LAMA2: variants seen among roughly 807,000 people sequenced by gnomAD.
The protein encoded by LAMA2 is laminin subunit alpha 2.
LAMA2 carries 269 observed loss-of-function variants against 364.8 expected under a neutral mutation model. The observed-to-expected ratio is 0.74, with a 90% confidence interval of 0.67 to 0.82. The LOEUF is 0.82. Among genes scored for constraint, LAMA2 ranks in the 40% least tolerant of loss-of-function variants. The pLI is 0.00. For missense variants in LAMA2, 3,807 were observed against 3,873.2 expected (o/e 0.98, Z 0.45); for synonymous variants, 1,379 against 1,370.6 (o/e 1.01, Z -0.14).
At chr6:129,386,174 A>G (rs1779004645) in intron 35 of LAMA2, among the ~76,000 whole-genome samples, 2 of 152,108 alleles carry the variant, frequency 1.3e-5, no homozygotes, top group South Asian at 2.1e-4. Context: ...TAAGTTGGAA[A>G]TAAATAAGTA....
chr6:129,360,742 G>A (rs1223844459), intron 32 of LAMA2, among the ~76,000 whole-genome samples: 4 of 152,204 alleles, frequency 2.6e-5, no homozygotes, highest in Non-Finnish European at 4.4e-5. Flanking sequence ...CATTTCAACA[G>A]CTGAAGATGA....
chr6:129,053,688 C>T (rs904493617), intron 2 of LAMA2, among the ~76,000 whole-genome samples: 2 of 152,258 alleles, frequency 1.3e-5, no homozygotes, highest in African/African-American at 2.4e-5. Context: ...ATAGGTTTCC[C>T]TTGCTTTTGA....
intron 1 of LAMA2, among the ~76,000 whole-genome samples, chr6:129,040,087 TAGAA>T (rs201322079): frequency 0.015 from 2,339 of 152,330 alleles, 74 homozygotes; most frequent in African/African-American, 0.053. Flanking sequence ...GCAGAAATCT[TAGAA>T]TGGGGAAAAG....
At chr6:129,272,388 A>G (rs73585545) in intron 17 of LAMA2, among the ~76,000 whole-genome samples, 2,370 of 152,234 alleles carry the variant, frequency 0.016, 61 homozygotes, top group African/African-American at 0.054. Context: ...GGAAAGACAT[A>G]ATTAAAATGT....
In LAMA2 at chr6:129,326,129, C is replaced by G. The variant is rs144469189; in HGVS notation, c.4177-2149C>G. Among the ~76,000 whole-genome samples the G allele has an allele frequency of 3.7e-3, 569 of 152,306 alleles. 2 individuals carry two copies. The highest frequency in any genetic ancestry group is 6.5e-3 in the Admixed American group (99 of 15,306). On this transcript the variant is annotated intron_variant, in intron 28 of 64. Coordinates refer to ENST00000421865, the MANE Select transcript of LAMA2 (RefSeq NM_000426.4). ...TGCTGGGATTACAGGCGTGAGCCAC[C>G]ATGTCTCGCCTTTTCCATGTGCCCT...
chr6:129,511,968 A>G (rs1047454793), intron 62 of LAMA2, among the ~76,000 whole-genome samples: 3 of 152,134 alleles, frequency 2.0e-5, no homozygotes, highest in South Asian at 2.1e-4. Context: ...CAACAGAGAG[A>G]CTTCTAAGAT....
chr6:129,218,273 G>A (rs1352328143), intron 12 of LAMA2, among the ~76,000 whole-genome samples: 3 of 152,034 alleles, frequency 2.0e-5, no homozygotes, highest in Admixed American at 6.6e-5. Context: ...ATTTCTTGAA[G>A]GAAGGAACGC....
chr6:128,884,890 G>C (rs1469342839), intron 1 of LAMA2, among the ~76,000 whole-genome samples: 1 of 152,160 alleles, frequency 6.6e-6, no homozygotes, highest in African/African-American at 2.4e-5. Context: ...GAAACTCAAA[G>C]CATGCAGAGT....
chr6:129,082,222 A>C (rs953629861), intron 3 of LAMA2, among the ~76,000 whole-genome samples: 3 of 152,084 alleles, frequency 2.0e-5, no homozygotes, highest in Non-Finnish European at 2.9e-5. Context: ...ATAAGTAACC[A>C]ATGAATAGAT....
At position 129,062,633 on chromosome 6, in the gene LAMA2, T is replaced by C. The variant is rs1308998094; in HGVS notation, c.396+2737T>C. 2.6e-5 allele frequency among the ~76,000 whole-genome samples: 4 copies of C among 152,150 alleles called. No homozygotes were observed. The East Asian group carries it at 5.8e-4, about 22-fold the overall frequency. ...TCTTTTCTACCTACCGCATGAAGGA[T>C]TAATAGGTTATTCAAAATAAGATGA... On this transcript the variant is annotated intron_variant, in intron 3 of 64. Coordinates refer to ENST00000421865, the MANE Select transcript of LAMA2 (RefSeq NM_000426.4).
intron 4 of LAMA2, among the ~76,000 whole-genome samples, chr6:129,121,493 G>A (rs1397802802): frequency 1.3e-5 from 2 of 152,022 alleles, no homozygotes; most frequent in Non-Finnish European, 2.9e-5. Context: ...TCTTCTGTGT[G>A]TTTTCAATGG....
chr6:129,506,584 A>G (rs1786095698), intron 61 of LAMA2, among the ~76,000 whole-genome samples: 1 of 152,128 alleles, frequency 6.6e-6, no homozygotes, highest in Non-Finnish European at 1.5e-5. Flanking sequence ...ATAATTTTTT[A>G]TTAGACCGTG....
At chr6:129,097,762 C>T (rs986962450) in intron 3 of LAMA2, among the ~76,000 whole-genome samples, 1 of 152,198 alleles carries the variant, frequency 6.6e-6, no homozygotes, top group Non-Finnish European at 1.5e-5. Context: ...TATAAGTAAA[C>T]AAGTTTTCTA....
At chr6:128,936,763 GATT>G (rs1779839407) in intron 1 of LAMA2, among the ~76,000 whole-genome samples, 2 of 152,140 alleles carry the variant, frequency 1.3e-5, no homozygotes, top group Admixed American at 1.3e-4. Context: ...AGGCCACCAT[GATT>G]AGATGAAATA....
intron 18 of LAMA2, among the ~76,000 whole-genome samples, chr6:129,287,439 C>T (rs577469194): frequency 1.4e-3 from 211 of 152,210 alleles, no homozygotes; most frequent in Non-Finnish European, 1.9e-3. Flanking sequence ...CAAGTTCTGG[C>T]TGCAACAACA....
At chr6:129,362,186 C>A (rs1777503715) in intron 32 of LAMA2, among the ~76,000 whole-genome samples, 1 of 152,124 alleles carries the variant, frequency 6.6e-6, no homozygotes, top group Non-Finnish European at 1.5e-5. Context: ...TTCTTCCCGT[C>A]CATCTCTCCC....
At chr6:129,145,236 T>A (rs1400068928) in intron 5 of LAMA2, among the ~76,000 whole-genome samples, 3 of 152,050 alleles carry the variant, frequency 2.0e-5, no homozygotes, top group African/African-American at 2.4e-5. Flanking sequence ...ACTCCTCACA[T>A]GTTTTCTTTC....
chr6:129,135,530 A>G (rs757304589), intron 4 of LAMA2, among the ~76,000 whole-genome samples: 29 of 152,234 alleles, frequency 1.9e-4, no homozygotes, highest in Non-Finnish European at 3.8e-4. Context: ...AAGAATAACT[A>G]CTATTGTTTT....
chr6:129,091,013 T>C (rs1000139288), intron 3 of LAMA2, among the ~76,000 whole-genome samples: 1 of 152,176 alleles, frequency 6.6e-6, no homozygotes, highest in Admixed American at 6.5e-5. Flanking sequence ...CATCTCAGGG[T>C]TTTCTTGCTT....
Sources: gnomAD v4.1 joint callset for allele counts (sites outside exome capture counted in the v4.1 genomes callset) on GRCh38, gnomAD v4.1.1 for gene constraint, MANE v1.5 for transcripts, NCBI Gene and HGNC (gene_info 2026-07-23, HGNC 2026-07-21) for gene names.